Variants in DNAH3 observed in about 807,000 individuals in gnomAD.
DNAH3 encodes the protein axonemal beta dynein heavy chain 3.
A neutral mutation model predicts 432.5 loss-of-function variants in DNAH3; 332 were observed. The observed-to-expected ratio is 0.77, with a 90% CI of 0.70 to 0.84. The LOEUF is 0.84. Ranked by LOEUF, DNAH3 falls within the 40% of genes least tolerant of loss-of-function variation. The probability of loss-of-function intolerance (pLI) is 0.00; values close to 1 mark genes in which losing one functional copy is unlikely to be tolerated. For synonymous variants in DNAH3, 1,956 were observed against 1,900.2 expected (o/e 1.03, Z -0.76); for missense variants, 4,861 against 5,114.0 (o/e 0.95, Z 1.51).
intron 32 of DNAH3, 125 bp from the exon 33 acceptor site, chr16:21,040,068 G>C (rs12927742): frequency 3.8e-6 from 3 of 789,184 alleles, no homozygotes; most frequent in East Asian, 2.6e-5. Flanking sequence ...ATAAAGGCAA[G>C]AAGGACTGGG....
intron 41 of DNAH3, among the ~76,000 whole-genome samples, chr16:21,016,200 C>T (rs1013599499): frequency 6.6e-6 from 1 of 152,114 alleles, no homozygotes; most frequent in Non-Finnish European, 1.5e-5. Flanking sequence ...GATCTCTTGA[C>T]TCAGCAATTC....
At chr16:21,130,102 A>C (rs1167640462) in intron 7 of DNAH3, 1 of 151,256 alleles carries the variant, frequency 6.6e-6, no homozygotes, top group African/African-American at 2.4e-5. Context: ...AAAAAAAAAA[A>C]AAAAAAACAA....
At position 21,051,706 on chromosome 16, in the gene DNAH3, C is replaced by T. The variant is rs879199308; in HGVS notation, c.4202G>A (p.Arg1401Gln). 9.3e-6 allele frequency: 15 copies of T among 1,613,416 alleles called. No individual in the cohort carries two copies. In the East Asian group the frequency reaches 1.8e-4, roughly 19 times the overall value. ...GTCGGTGAGGGGTGTGATCACCAGC[C>T]GGGGGGAGTTTCCCAGGTACTCATA... The change falls in exon 29 of 62, where the codon CGG (arginine) becomes CAG (glutamine). Residue 1401 changes from arginine to glutamine, a missense_variant. Physicochemically the swap from Arg to Gln is conservative, Grantham distance 43 (BLOSUM62 1). Transcript: ENST00000261383.
intron 3 of DNAH3, among the ~76,000 whole-genome samples, chr16:21,144,396 G>A (rs970085696): frequency 6.6e-6 from 1 of 152,198 alleles, no homozygotes; most frequent in Non-Finnish European, 1.5e-5. Context: ...TTCTAAGGGA[G>A]AGACCCGTGT....
intron 1 of DNAH3, among the ~76,000 whole-genome samples, chr16:21,147,155 G>A (rs1182588564): frequency 2.6e-5 from 4 of 151,872 alleles, no homozygotes; most frequent in East Asian, 1.9e-4. Flanking sequence ...CCCAAATTCT[G>A]AGGACATCCC....
chr16:21,075,362 C>A, intron 21 of DNAH3, 85 bp downstream of exon 21: 1 of 953,678 alleles, frequency 1.0e-6, no homozygotes, highest in Non-Finnish European at 1.7e-6. Flanking sequence ...AGTTCTGTTG[C>A]CATTCTGAAT....
intron 1 of DNAH3, among the ~76,000 whole-genome samples, chr16:21,158,918 GAGTCGC>G (rs2092925322): frequency 6.6e-6 from 1 of 151,990 alleles, no homozygotes. Flanking sequence ...TCCTGCTTAT[GAGTCGC>G]CGGGACGGGG....
rs1567488265 is a variant in DNAH3 at position 20,936,868 on chromosome 16, G to T, written c.11655-15C>A. On this transcript the variant is annotated splice_polypyrimidine_tract_variant and intron_variant, in intron 59 of 61. Coordinates refer to ENST00000261383, the Ensembl canonical transcript of DNAH3. ...CTTTGGTCAGCCTGCAAGAACAGAG[G>T]AGCTGGCTGAGCTGGGCTCTCCGGT... 1.3e-6 allele frequency: 2 copies of T among 1,595,796 alleles called. No homozygotes were observed. Among genetic ancestry groups the T allele is most frequent in the East Asian group, 2.3e-5 (1 of 44,106 alleles).
At chr16:21,069,370 A>G (rs1344174642) in intron 23 of DNAH3, 45 bp downstream of exon 23, 3 of 1,552,792 alleles carry the variant, frequency 1.9e-6, no homozygotes, top group Non-Finnish European at 2.6e-6. Context: ...ATGAGGAAAC[A>G]TTTGTATTTC....
chr16:21,062,398 T>TG, intron 25 of DNAH3, 84 bp downstream of exon 25: 1 of 1,117,488 alleles, frequency 8.9e-7, no homozygotes, highest in Non-Finnish European at 1.3e-6. Context: ...GGCAGTCTGG[T>TG]GCTTAGTCCC....
rs1198183165 is a variant in DNAH3, at chr16:20,964,832, C to T, written c.9052G>A (p.Val3018Ile). Residue 3018 changes from valine to isoleucine, a missense_variant, in exon 53 of 62, where the codon GTC (valine) becomes ATC (isoleucine). Val to Ile is a conservative substitution (Grantham distance 29, BLOSUM62 3). Coordinates refer to ENST00000261383, the Ensembl canonical transcript of DNAH3. ...GCCAACCACTGATTTTGGCACTGGA[C>T]CCGATAATCCACTGTAAAAGCGCCC... The T allele has an allele frequency of 1.2e-6, 2 of 1,614,126 alleles. No individual in the cohort carries two copies.
At chr16:21,114,241 G>A (rs914048659) in intron 12 of DNAH3, among the ~76,000 whole-genome samples, 8 of 152,064 alleles carry the variant, frequency 5.3e-5, no homozygotes, top group Non-Finnish European at 7.4e-5. Context: ...CCTTCTTCAA[G>A]TCCCAAAATT....
chr16:21,140,658 T>C, exon 5 of DNAH3: 1 of 1,614,172 alleles, frequency 6.2e-7, no homozygotes, highest in Non-Finnish European at 8.5e-7. Flanking sequence ...AAAGATGTCT[T>C]TACCTCCTTC....
At chr16:21,059,461 G>T (rs1597269057) in intron 26 of DNAH3, among the ~76,000 whole-genome samples, 1 of 152,042 alleles carries the variant, frequency 6.6e-6, no homozygotes, top group Non-Finnish European at 1.5e-5. Context: ...GTGGGTGCTG[G>T]GAATAAGAAA....
chr16:21,105,974 G>T (rs972409245), intron 15 of DNAH3, among the ~76,000 whole-genome samples: 7 of 151,452 alleles, frequency 4.6e-5, no homozygotes, highest in Non-Finnish European at 1.0e-4. Flanking sequence ...GAGGTCAAGA[G>T]ATAGAGACCA....
chr16:21,022,642 A>C (rs972872924), intron 39 of DNAH3, among the ~76,000 whole-genome samples: 1 of 151,986 alleles, frequency 6.6e-6, no homozygotes, highest in Non-Finnish European at 1.5e-5. Context: ...TCTGTTCTCC[A>C]GTCCATTTAC....
chr16:21,086,290 C>T (rs957172797), intron 19 of DNAH3, among the ~76,000 whole-genome samples: 1 of 152,216 alleles, frequency 6.6e-6, no homozygotes, highest in Non-Finnish European at 1.5e-5. Flanking sequence ...TATAAAAATC[C>T]CAGCTATTTT....
At chr16:21,081,842 G>GCC in intron 19 of DNAH3, 115 bp from the exon 20 acceptor site, 1 of 721,370 alleles carries the variant, frequency 1.4e-6, no homozygotes, top group Non-Finnish European at 2.2e-6. Flanking sequence ...TAACAGCCAC[G>GCC]AGTGGCAGGT....
intron 12 of DNAH3, among the ~76,000 whole-genome samples, chr16:21,113,991 C>A (rs1045152675): frequency 1.3e-5 from 2 of 152,104 alleles, no homozygotes; most frequent in Non-Finnish European, 1.5e-5. Context: ...TTTTCCTATA[C>A]ACATATATGT....
Sources: gnomAD v4.1 joint callset for allele counts (sites outside exome capture counted in the v4.1 genomes callset) on GRCh38, gnomAD v4.1.1 for gene constraint, MANE v1.5 for transcripts, NCBI Gene and HGNC (gene_info 2026-07-23, HGNC 2026-07-21) for gene names.